AIG1: variants seen among roughly 807,000 people sequenced by gnomAD.
AIG1 encodes the protein androgen induced 1, also known as androgen-induced gene 1 protein.
AIG1 carries 23 observed loss-of-function variants against 31.4 expected under a neutral mutation model. That is an observed-to-expected ratio of 0.73 (90% CI 0.53 to 1.04). The LOEUF is 1.04. Ranked by LOEUF, AIG1 falls within the 50% of genes least tolerant of loss-of-function variation. The probability of loss-of-function intolerance (pLI) is 0.00; values close to 1 mark genes in which losing one functional copy is unlikely to be tolerated. For missense variants in AIG1, 274 were observed against 295.0 expected, an observed-to-expected ratio of 0.93 and a Z score of 0.52; for synonymous variants, 100 against 110.5, an observed-to-expected ratio of 0.90 and a Z score of 0.60.
In AIG1 at chr6:143,280,134, T is replaced by C. The variant is rs1797244932; in HGVS notation, c.400-3976T>C. 6.6e-6 allele frequency among the ~76,000 whole-genome samples: 1 copy of C among 152,222 alleles called. No homozygotes were observed. The highest frequency in any genetic ancestry group is 1.5e-5 in the Non-Finnish European group (1 of 68,032). ...GTAAGTTGTAAATGGTATTTGTGTT[T>C]GGGGAAACAGCAACAGATCATTCTT... is the stretch of plus-strand genomic sequence containing the variant. On this transcript the variant is annotated intron_variant, in intron 3 of 5. Coordinates refer to ENST00000357847, the MANE Select transcript of AIG1 (RefSeq NM_016108.4). The surrounding 1 kb of genome is among the most constrained non-coding windows in gnomAD (Gnocchi z 4.1).
At chr6:143,119,549 G>A (rs1417370979) in intron 1 of AIG1, among the ~76,000 whole-genome samples, 1 of 152,156 alleles carries the variant, frequency 6.6e-6, no homozygotes, top group Non-Finnish European at 1.5e-5. Flanking sequence ...GGCAGCGTGG[G>A]CCTTACAAAA....
chr6:143,075,332 T>A (rs1430122509), intron 1 of AIG1, among the ~76,000 whole-genome samples: 1 of 152,220 alleles, frequency 6.6e-6, no homozygotes, highest in African/African-American at 2.4e-5. Context: ...TTGTTTTGTT[T>A]TTTGAGAAAA....
chr6:143,251,653 C>G (rs1795021232), intron 3 of AIG1, among the ~76,000 whole-genome samples: 1 of 152,140 alleles, frequency 6.6e-6, no homozygotes, highest in Non-Finnish European at 1.5e-5. Context: ...CACTGGCCTG[C>G]TGTTTTTTTC....
At chr6:143,194,356 CCCATG>C (rs1790050361) in intron 3 of AIG1, among the ~76,000 whole-genome samples, 1 of 152,130 alleles carries the variant, frequency 6.6e-6, no homozygotes. Flanking sequence ...GCAAACTGCC[CCCATG>C]ATCCCATCAC....
chr6:143,274,434 C>T (rs928653031), intron 3 of AIG1, among the ~76,000 whole-genome samples: 8 of 152,082 alleles, frequency 5.3e-5, no homozygotes, highest in Non-Finnish European at 1.2e-4. Flanking sequence ...CCATGTAAAG[C>T]GATCAGTACA....
intron 3 of AIG1, among the ~76,000 whole-genome samples, chr6:143,195,559 G>A (rs1410757990): frequency 6.6e-6 from 1 of 152,144 alleles, no homozygotes; most frequent in African/African-American, 2.4e-5. Context: ...ACGTTGACAA[G>A]CACAGGCTGG....
chr6:143,291,249 A>G lies in AIG1; in HGVS notation c.515+7024A>G, dbSNP rs1236408252. Among the ~76,000 whole-genome samples, 1 of 151,930 alleles carries G rather than the reference A, an allele frequency of 6.6e-6. No individual in the cohort carries two copies. Among genetic ancestry groups the G allele is most frequent in the Non-Finnish European group, 1.5e-5 (1 of 67,958 alleles). On this transcript the variant is annotated intron_variant, in intron 4 of 5. Transcript: ENST00000357847. This position sits in a 1 kb window ranked among gnomAD's most constrained non-coding sequence, Gnocchi z 4.2. The stretch of plus-strand genomic sequence containing the variant: ...AAGTTTCTTGTAGATCTGGTTTGAC[A>G]TAGAGGAAGGTTGCTGGAGTTGAGC...
intron 3 of AIG1, among the ~76,000 whole-genome samples, chr6:143,215,860 T>C (rs1459452237): frequency 1.3e-5 from 2 of 152,256 alleles, no homozygotes; most frequent in South Asian, 4.1e-4. Flanking sequence ...AAAATAAACA[T>C]TTTAGGCTTT....
intron 3 of AIG1, among the ~76,000 whole-genome samples, chr6:143,196,675 A>G (rs935541383): frequency 2.0e-5 from 3 of 152,150 alleles, no homozygotes; most frequent in Non-Finnish European, 2.9e-5. Context: ...CTCAAGATAA[A>G]TATGCATCTA....
At chr6:143,163,411 A>G (rs1447614513) in intron 2 of AIG1, among the ~76,000 whole-genome samples, 2 of 152,120 alleles carry the variant, frequency 1.3e-5, no homozygotes, top group African/African-American at 4.8e-5. Context: ...ATCTCATAGC[A>G]TCCCTTATTT....
chr6:143,282,758 C>A (rs1797420844), intron 3 of AIG1, among the ~76,000 whole-genome samples: 1 of 152,150 alleles, frequency 6.6e-6, no homozygotes, highest in African/African-American at 2.4e-5. Flanking sequence ...AAAATCATGT[C>A]TTTCTATTTT....
chr6:143,104,664 C>T (rs929681284), intron 1 of AIG1, among the ~76,000 whole-genome samples: 9 of 151,916 alleles, frequency 5.9e-5, no homozygotes, highest in African/African-American at 1.9e-4. Context: ...TTTGGGAGGC[C>T]GAGGCAGGGA....
intron 1 of AIG1, among the ~76,000 whole-genome samples, chr6:143,104,070 G>A (rs1780584762): frequency 6.6e-6 from 1 of 152,162 alleles, no homozygotes; most frequent in Non-Finnish European, 1.5e-5. Flanking sequence ...CCACAGACTT[G>A]TTCCCCAGAA....
intron 2 of AIG1, among the ~76,000 whole-genome samples, chr6:143,137,501 G>T (rs1335499774): frequency 6.6e-6 from 1 of 152,192 alleles, no homozygotes; most frequent in African/African-American, 2.4e-5. Flanking sequence ...AAACTTGAAA[G>T]GTAGGGTCCT....
intron 3 of AIG1, among the ~76,000 whole-genome samples, chr6:143,192,970 A>T (rs1789927104): frequency 6.6e-6 from 1 of 152,086 alleles, no homozygotes; most frequent in African/African-American, 2.4e-5. Context: ...CCTGAGGGGG[A>T]GGAATCATCA....
At chr6:143,264,579 A>G (rs1158390303) in intron 3 of AIG1, among the ~76,000 whole-genome samples, 2 of 152,180 alleles carry the variant, frequency 1.3e-5, no homozygotes, top group Non-Finnish European at 2.9e-5. Context: ...TCGCCCGATT[A>G]TGTTCCATTG....
In AIG1 at chr6:143,230,152, T is replaced by C. The variant is rs1292220989; in HGVS notation, c.400-53958T>C. Among the ~76,000 whole-genome samples the C allele has an allele frequency of 2.0e-5, 3 of 152,158 alleles. No homozygotes were observed. In the East Asian group the frequency reaches 5.8e-4, roughly 29 times the overall value. On this transcript the variant is annotated intron_variant, in intron 3 of 5. Coordinates refer to ENST00000357847, the MANE Select transcript of AIG1 (RefSeq NM_016108.4). Reference sequence around the variant, plus strand: ...GTGAAAGTTTAAGATCCTTTAATGGTTTGCTAATGTCCCTAGCAGTTTCCC... The same window carrying C: ...GTGAAAGTTTAAGATCCTTTAATGGCTTGCTAATGTCCCTAGCAGTTTCCC...
intron 3 of AIG1, among the ~76,000 whole-genome samples, chr6:143,212,809 A>G (rs1277296890): frequency 2.0e-5 from 3 of 152,200 alleles, no homozygotes; most frequent in African/African-American, 7.2e-5. Context: ...AAGTAGCAGC[A>G]TGGTGGGCTG....
intron 1 of AIG1, among the ~76,000 whole-genome samples, chr6:143,133,074 T>C (rs1783403107): frequency 6.6e-6 from 1 of 152,170 alleles, no homozygotes; most frequent in African/African-American, 2.4e-5. Context: ...AGGATATTTT[T>C]CTACTGCTTG....
Sources: allele counts gnomAD v4.1 joint callset (sites outside exome capture counted in the v4.1 genomes callset), GRCh38; gene constraint gnomAD v4.1.1; non-coding constraint Gnocchi (gnomAD v3.1); transcripts MANE v1.5; gene names NCBI Gene and HGNC (gene_info 2026-07-23, HGNC 2026-07-21).